Variants in SH2D4B observed in about 807,000 individuals in gnomAD.
SH2D4B encodes the protein SH2 domain containing 4B.
A neutral mutation model predicts 61.5 loss-of-function variants in SH2D4B; 45 were observed. The observed-to-expected ratio is 0.73, with a 90% CI of 0.58 to 0.94. The LOEUF (loss-of-function observed/expected upper bound fraction) is 0.94. Among genes scored for constraint, SH2D4B ranks in the 40% least tolerant of loss-of-function variants. The pLI, the probability that SH2D4B is intolerant of heterozygous loss-of-function variation, is 0.00. For synonymous variants in SH2D4B, 224 were observed against 220.4 expected (o/e 1.02, Z -0.14); for missense variants, 572 against 574.2 (o/e 1.00, Z 0.04).
At chr10:80,562,028 T>TACACACACAC (rs150356380) in intron 1 of SH2D4B, among the ~76,000 whole-genome samples, 158 of 144,504 alleles carry the variant, frequency 1.1e-3, no homozygotes, top group African/African-American at 3.3e-3. Context: ...CTCTTCCAAT[T>TACACACACAC]ACACACACAC....
At chr10:80,591,505 C>CTTT (rs763446349) in intron 4 of SH2D4B, among the ~76,000 whole-genome samples, 12,156 of 108,770 alleles carry the variant, frequency 0.11, 1,003 homozygotes, top group East Asian at 0.2. Flanking sequence ...GCCAAACTGG[C>CTTT]TTTTTTTTTT....
At chr10:80,611,185 A>G in intron 6 of SH2D4B, among the ~76,000 whole-genome samples, 1 of 149,122 alleles carries the variant, frequency 6.7e-6, no homozygotes, top group African/African-American at 2.4e-5. Flanking sequence ...CAAAAAAAAA[A>G]AAAAAAAAAA....
intron 3 of SH2D4B, among the ~76,000 whole-genome samples, chr10:80,572,970 A>G (rs1234597223): frequency 0.14 from 1,240 of 9,068 alleles, 91 homozygotes; most frequent in African/African-American, 0.33. Flanking sequence ...ATATATATAT[A>G]TATATATATA....
chr10:80,631,219 A>G (rs1842829297), intron 6 of SH2D4B, among the ~76,000 whole-genome samples: 1 of 152,256 alleles, frequency 6.6e-6, no homozygotes, highest in African/African-American at 2.4e-5. Context: ...CACAATAGCC[A>G]AGATAGGGAA....
rs1054109882 is a variant in SH2D4B, at chr10:80,645,780, C to A, written c.*1695C>A. The A allele has an allele frequency of 6.6e-6, 1 of 152,158 alleles. No individual in the cohort carries two copies. The highest frequency in any genetic ancestry group is 2.4e-5 in the African/African-American group (1 of 41,422). The allele number at this position is 152,158 out of a possible 1,614,324, so 9.4% of individuals were successfully genotyped here. A position where few individuals can be genotyped will look rare whatever the true frequency, so the allele number is the denominator to read the frequency against. On this transcript the variant is annotated 3_prime_UTR_variant, in exon 8 of 8. Transcript: ENST00000646907. Reference sequence around the variant, plus strand: ...CTTTTGGGGAATCCAGGATAAGAACCCATTATACAGAAGTGTTCAATAATA... The same window carrying A: ...CTTTTGGGGAATCCAGGATAAGAACACATTATACAGAAGTGTTCAATAATA...
intron 5 of SH2D4B, among the ~76,000 whole-genome samples, chr10:80,609,124 T>G (rs1323192240): frequency 6.6e-6 from 1 of 152,210 alleles, no homozygotes; most frequent in Non-Finnish European, 1.5e-5. Flanking sequence ...GTGTGGCTGT[T>G]TTTTGAAGCA....
At chr10:80,549,026 A>C (rs534213694) in intron 1 of SH2D4B, among the ~76,000 whole-genome samples, 1 of 152,328 alleles carries the variant, frequency 6.6e-6, no homozygotes, top group African/African-American at 2.4e-5. Context: ...AAGATGAGGC[A>C]TCATGGTGGG....
intron 6 of SH2D4B, among the ~76,000 whole-genome samples, chr10:80,633,835 T>C (rs1842861523): frequency 6.6e-6 from 1 of 152,258 alleles, no homozygotes; most frequent in Admixed American, 6.5e-5. Context: ...TTTTAGGTGC[T>C]TATTTATGGT....
chr10:80,587,148 TTTG>T (rs1564775925), intron 3 of SH2D4B, among the ~76,000 whole-genome samples: 7 of 50,436 alleles, frequency 1.4e-4, no homozygotes, highest in East Asian at 8.0e-4. Flanking sequence ...TTTTTTTTGT[TTTG>T]TTTTTTTTTT....
intron 6 of SH2D4B, among the ~76,000 whole-genome samples, chr10:80,628,129 T>C (rs928999395): frequency 2.6e-5 from 4 of 152,182 alleles, no homozygotes; most frequent in African/African-American, 7.2e-5. Flanking sequence ...TGATTCATGC[T>C]TAATTCCCAG....
intron 3 of SH2D4B, among the ~76,000 whole-genome samples, chr10:80,585,540 C>T (rs1217967286): frequency 1.3e-5 from 2 of 152,304 alleles, no homozygotes; most frequent in African/African-American, 2.4e-5. Context: ...GTCTCAAACT[C>T]CTGACCTCAG....
chr10:80,620,413 G>A (rs1842706273), intron 6 of SH2D4B, among the ~76,000 whole-genome samples: 1 of 152,142 alleles, frequency 6.6e-6, no homozygotes, highest in Admixed American at 6.5e-5. Flanking sequence ...ATGGAAAATG[G>A]CCATGCTTCC....
chr10:80,582,693 G>T (rs990254923), intron 3 of SH2D4B, among the ~76,000 whole-genome samples: 2 of 152,170 alleles, frequency 1.3e-5, no homozygotes, highest in Non-Finnish European at 2.9e-5. Flanking sequence ...TACCATTCCT[G>T]GGGGGACTAA....
chr10:80,619,129 T>C (rs1181838581), intron 6 of SH2D4B, among the ~76,000 whole-genome samples: 2 of 152,066 alleles, frequency 1.3e-5, no homozygotes, highest in African/African-American at 2.4e-5. Flanking sequence ...TGCACCGGGA[T>C]TTGTGCTCAG....
intron 5 of SH2D4B, among the ~76,000 whole-genome samples, chr10:80,604,081 T>C (rs1174461951): frequency 1.3e-5 from 2 of 152,174 alleles, no homozygotes; most frequent in Non-Finnish European, 2.9e-5. Flanking sequence ...CAAATATGCA[T>C]ATATAAAGAT....
rs374244568 is a variant in SH2D4B at position 80,644,338 on chromosome 10, G to A, written c.*253G>A. 1.5e-4 allele frequency: 62 copies of A among 408,682 alleles called. 1 individual carries two copies. The East Asian group carries it at 2.0e-3, about 13-fold the overall frequency. 25.3% of individuals were successfully genotyped at this position (408,682 alleles called of 1,614,324 possible). A position where few individuals can be genotyped will look rare whatever the true frequency, so the allele number is the denominator to read the frequency against. On this transcript the variant is annotated 3_prime_UTR_variant, in exon 8 of 8. Coordinates refer to ENST00000646907, the MANE Select transcript of SH2D4B (RefSeq NM_001388272.1). Reference sequence around the variant, plus strand: ...CTTAGCTATGACCTTAGAAGACAAAGCCTGTTTGTCATGGCTGCCGTAAAC... The same window carrying A: ...CTTAGCTATGACCTTAGAAGACAAAACCTGTTTGTCATGGCTGCCGTAAAC...
At chr10:80,613,922 G>A (rs944603432) in intron 6 of SH2D4B, among the ~76,000 whole-genome samples, 1 of 152,144 alleles carries the variant, frequency 6.6e-6, no homozygotes, top group Non-Finnish European at 1.5e-5. Flanking sequence ...TTGGATGACA[G>A]CACACAAACA....
At chr10:80,641,508 C>T (rs1190051509) in intron 7 of SH2D4B, among the ~76,000 whole-genome samples, 3 of 152,252 alleles carry the variant, frequency 2.0e-5, no homozygotes, top group Non-Finnish European at 2.9e-5. Context: ...TGGCAGACGC[C>T]TGAGGGAGGC....
rs1288953065 is a variant in SH2D4B at position 80,603,651 on chromosome 10, A to G, written c.716A>G (p.His239Arg). ...CGCGCCCGGGACGAGTACCGACACC[A>G]CTCGCTCCGTGCTATCCAGAAGGGC... is the stretch of plus-strand genomic sequence containing the variant. ...AQRARDEYRH[H>R]SLRAIQKGTV... The change falls in exon 5 of 8, where the codon CAC becomes CGC. Residue 239 changes from histidine (H) to arginine (R), a missense_variant. By Grantham distance (29) the His-to-Arg change is conservative (BLOSUM62 0). Transcript: ENST00000646907. 1 of 1,605,554 alleles carries G rather than the reference A, an allele frequency of 6.2e-7. No individual in the cohort carries two copies. The highest frequency in any genetic ancestry group is 1.3e-5 in the African/African-American group (1 of 74,938).
Sources: gnomAD v4.1 joint callset for allele counts (sites outside exome capture counted in the v4.1 genomes callset) on GRCh38, gnomAD v4.1.1 for gene constraint, MANE v1.5 for transcripts, NCBI Gene and HGNC (gene_info 2026-07-23, HGNC 2026-07-21) for gene names.